The following PPP1R12A variants were observed in gnomAD, a reference collection of about 807,000 sequenced individuals.
The protein encoded by PPP1R12A is myosin binding subunit.
A neutral mutation model predicts 139.6 loss-of-function variants in PPP1R12A; 19 were observed. The observed-to-expected ratio is 0.14, with a 90% CI of 0.09 to 0.20. The LOEUF (loss-of-function observed/expected upper bound fraction) is 0.20, where lower values mean the gene tolerates loss of function less well. Ranked by LOEUF, PPP1R12A falls within the 10% of genes least tolerant of loss-of-function variation. The pLI is 1.00. For synonymous variants in PPP1R12A, 427 were observed against 420.6 expected (o/e 1.02, Z -0.19); for missense variants, 925 against 1,211.5 (o/e 0.76, Z 3.51).
At chr12:79,896,373 A>C (rs1885133125) in intron 1 of PPP1R12A, among the ~76,000 whole-genome samples, 1 of 152,082 alleles carries the variant, frequency 6.6e-6, no homozygotes, top group African/African-American at 2.4e-5. Context: ...CACTTTCGTC[A>C]CCCAGGCTGG....
At chr12:79,909,727 T>A (rs1886408802) in intron 1 of PPP1R12A, among the ~76,000 whole-genome samples, 1 of 143,334 alleles carries the variant, frequency 7.0e-6, no homozygotes. Context: ...AACTCCGTCT[T>A]AAAAAAAAAA....
intron 1 of PPP1R12A, among the ~76,000 whole-genome samples, chr12:79,928,294 T>C (rs1887997117): frequency 6.6e-6 from 1 of 152,156 alleles, no homozygotes; most frequent in Non-Finnish European, 1.5e-5. Context: ...CACAAAAGTG[T>C]TGCCAGGAAG....
intron 8 of PPP1R12A, chr12:79,819,247 C>G (rs1404071997): frequency 6.6e-6 from 1 of 152,126 alleles, no homozygotes; most frequent in Non-Finnish European, 1.5e-5. Context: ...TAAGAACCAT[C>G]CAGGTCATAT....
intron 12 of PPP1R12A, 149 bp from the exon 13 acceptor site, chr12:79,806,482 T>A: frequency 1.5e-6 from 1 of 677,614 alleles, no homozygotes; most frequent in African/African-American, 1.8e-5. Context: ...AAGAGTTGCA[T>A]CTACAACTTG....
At chr12:79,893,044 C>T (rs1449895149) in intron 1 of PPP1R12A, among the ~76,000 whole-genome samples, 4 of 150,738 alleles carry the variant, frequency 2.7e-5, no homozygotes, top group East Asian at 3.9e-4. Flanking sequence ...GTGGAGTTGC[C>T]GTGAGCCAAG....
intron 2 of PPP1R12A, among the ~76,000 whole-genome samples, chr12:79,862,661 C>T (rs7306366): frequency 0.79 from 119,534 of 152,148 alleles, 49,471 homozygotes; most frequent in Non-Finnish European, 0.92. Flanking sequence ...ACGAGAACTT[C>T]ATGAAGCATA....
chr12:79,803,219 A>G (rs999960292), intron 14 of PPP1R12A, among the ~76,000 whole-genome samples: 1 of 152,234 alleles, frequency 6.6e-6, no homozygotes, highest in African/African-American at 2.4e-5. Flanking sequence ...TTTGATAATT[A>G]CCACCTAATA....
intron 19 of PPP1R12A, among the ~76,000 whole-genome samples, chr12:79,792,319 G>T (rs1216139756): frequency 1.3e-5 from 2 of 152,148 alleles, no homozygotes; most frequent in African/African-American, 4.8e-5. Flanking sequence ...TTCAGTGATA[G>T]GCCCTGTCTA....
In PPP1R12A at chr12:79,867,869, T is replaced by C. The variant is rs200750319; in HGVS notation, c.368+4939A>G. 2.0e-5 allele frequency among the ~76,000 whole-genome samples: 3 copies of C among 152,280 alleles called. No individual in the cohort carries two copies. In the East Asian group the frequency reaches 5.8e-4, roughly 29 times the overall value. ...TGCTTGGCACTTCTTCCTGCCGCCA[T>C]GTGAAGAAGAATGTGTTTGCTTCCC... is the stretch of plus-strand genomic sequence containing the variant. On this transcript the variant is annotated intron_variant, in intron 2 of 24. Transcript: ENST00000450142.
chr12:79,905,092 C>A (rs930948970), intron 1 of PPP1R12A, among the ~76,000 whole-genome samples: 1 of 152,186 alleles, frequency 6.6e-6, no homozygotes, highest in East Asian at 1.9e-4. Context: ...AAATACCTTT[C>A]TTCACTAATT....
At chr12:79,919,517 T>C (rs1321432210) in intron 1 of PPP1R12A, among the ~76,000 whole-genome samples, 1 of 150,166 alleles carries the variant, frequency 6.7e-6, no homozygotes, top group Non-Finnish European at 1.5e-5. Flanking sequence ...ATCACGCCAC[T>C]GCACTGCAGC....
intron 2 of PPP1R12A, among the ~76,000 whole-genome samples, chr12:79,867,647 C>G (rs1277549513): frequency 1.3e-5 from 2 of 151,948 alleles, no homozygotes; most frequent in African/African-American, 4.8e-5. Context: ...AAAAATTGTA[C>G]TGAGGTAATA....
At chr12:79,858,401 C>T (rs1270895474) in intron 2 of PPP1R12A, among the ~76,000 whole-genome samples, 1 of 152,130 alleles carries the variant, frequency 6.6e-6, no homozygotes, top group Non-Finnish European at 1.5e-5. Context: ...ACATATTGTG[C>T]CAAGTGTCTT....
At chr12:79,919,130 C>T (rs1417465270) in intron 1 of PPP1R12A, among the ~76,000 whole-genome samples, 1 of 151,974 alleles carries the variant, frequency 6.6e-6, no homozygotes, top group Non-Finnish European at 1.5e-5. Flanking sequence ...TCCTTCAGCA[C>T]TTCTGTGCAC....
chr12:79,800,985 A>G (rs1215233565), intron 14 of PPP1R12A, among the ~76,000 whole-genome samples: 4 of 151,348 alleles, frequency 2.6e-5, no homozygotes. Flanking sequence ...CGCCCACCTC[A>G]GCCTCCCAAA....
At chr12:79,790,044 C>G (rs1871631635) in intron 20 of PPP1R12A, among the ~76,000 whole-genome samples, 1 of 151,896 alleles carries the variant, frequency 6.6e-6, no homozygotes, top group Admixed American at 6.6e-5. Context: ...GCCTCAGCCT[C>G]CCCAAGTGCT....
rs371670504 is a variant in PPP1R12A, at chr12:79,813,103, T to A, written c.1240-3093A>T. The stretch of plus-strand genomic sequence containing the variant: ...AAACATCTTCCACGACTACTACTTA[T>A]CAAATAAATTATAAAAGTGTTATCC... On this transcript the variant is annotated intron_variant, in intron 9 of 24. Coordinates refer to ENST00000450142, the MANE Select transcript of PPP1R12A (RefSeq NM_002480.3). Among the ~76,000 whole-genome samples the A allele has an allele frequency of 1.1e-4, 16 of 152,330 alleles. 1 individual carries two copies. The highest frequency in any genetic ancestry group is 3.8e-4 in the African/African-American group (16 of 41,590).
intron 2 of PPP1R12A, among the ~76,000 whole-genome samples, chr12:79,855,884 T>C (rs1176494484): frequency 6.6e-6 from 1 of 152,066 alleles, no homozygotes; most frequent in Non-Finnish European, 1.5e-5. Flanking sequence ...TACATTTTTA[T>C]ATGACTGAAA....
chr12:79,892,286 AC>A (rs1884723929), intron 1 of PPP1R12A, among the ~76,000 whole-genome samples: 1 of 152,134 alleles, frequency 6.6e-6, no homozygotes, highest in African/African-American at 2.4e-5. Flanking sequence ...ACACTAGACC[AC>A]CCTCCATTTC....
Sources: allele counts gnomAD v4.1 joint callset (sites outside exome capture counted in the v4.1 genomes callset), GRCh38; gene constraint gnomAD v4.1.1; transcripts MANE v1.5; gene names NCBI Gene and HGNC (gene_info 2026-07-23, HGNC 2026-07-21).